The following NEO1 variants were observed in gnomAD, a reference collection of about 807,000 sequenced individuals.
NEO1 encodes neogenin 1.
Under a neutral mutation model 159.7 loss-of-function variants are expected in NEO1, and 63 were observed. The ratio of observed to expected loss-of-function variants is 0.39; its 90% CI spans 0.32 to 0.49. The LOEUF (loss-of-function observed/expected upper bound fraction) is 0.49. Ranked by LOEUF, NEO1 falls within the 20% of genes least tolerant of loss-of-function variation. The pLI is 0.85. For missense variants in NEO1, 1,615 were observed against 1,831.0 expected (o/e 0.88, Z 2.15); for synonymous variants, 633 against 662.0 (o/e 0.96, Z 0.67).
At chr15:73,157,821 T>C (rs1334558007) in intron 5 of NEO1, among the ~76,000 whole-genome samples, 1 of 150,366 alleles carries the variant, frequency 6.7e-6, no homozygotes, top group Admixed American at 6.7e-5. Context: ...ATCCTAACTC[T>C]GTTTTATTGA....
At chr15:73,268,129 C>CT (rs1313943837) in intron 16 of NEO1, among the ~76,000 whole-genome samples, 1 of 152,034 alleles carries the variant, frequency 6.6e-6, no homozygotes, top group Non-Finnish European at 1.5e-5. Flanking sequence ...TTTAAGACTA[C>CT]TACATGTTTG....
chr15:73,241,877 G>A (rs1262300413), intron 8 of NEO1, among the ~76,000 whole-genome samples: 40 of 152,154 alleles, frequency 2.6e-4, no homozygotes, highest in Non-Finnish European at 8.8e-5. Flanking sequence ...GTGGGTATTA[G>A]TAACCTTCAC....
At chr15:73,242,868 G>A (rs541587899) in intron 8 of NEO1, among the ~76,000 whole-genome samples, 2 of 152,240 alleles carry the variant, frequency 1.3e-5, no homozygotes, top group East Asian at 1.9e-4. Flanking sequence ...AAAGGCAGGC[G>A]CACTCGGTGT....
At chr15:73,189,163 C>G (rs757629822) in intron 7 of NEO1, among the ~76,000 whole-genome samples, 1 of 152,132 alleles carries the variant, frequency 6.6e-6, no homozygotes, top group East Asian at 1.9e-4. Flanking sequence ...AATTTTATAT[C>G]TTTGATTGTG....
intron 7 of NEO1, among the ~76,000 whole-genome samples, chr15:73,186,830 G>A (rs987683696): frequency 6.6e-6 from 1 of 152,084 alleles, no homozygotes; most frequent in Non-Finnish European, 1.5e-5. Flanking sequence ...AATATTTTAG[G>A]CTTAATGGGT....
chr15:73,199,129 T>C (rs576155297), intron 7 of NEO1, among the ~76,000 whole-genome samples: 2 of 150,946 alleles, frequency 1.3e-5, no homozygotes, highest in African/African-American at 4.9e-5. Context: ...GATCAACTTA[T>C]CAGTTTTGAG....
intron 1 of NEO1, among the ~76,000 whole-genome samples, chr15:73,095,078 G>A (rs1260618440): frequency 1.3e-5 from 2 of 152,058 alleles, no homozygotes; most frequent in Non-Finnish European, 2.9e-5. Flanking sequence ...GCATGGTGGT[G>A]TGCACCTGAA....
rs999569449 is a variant in NEO1, at chr15:73,251,125, C to A, written c.1894+1404C>A. On this transcript the variant is annotated intron_variant, in intron 11 of 28. Coordinates refer to ENST00000261908, the MANE Select transcript of NEO1 (RefSeq NM_002499.4). ...AGTAAGATAAATAAAACAGTTGTTGCAGAATATTAGTAATTGTGAATTTGA... is the reference window on the plus strand; with the variant it reads ...AGTAAGATAAATAAAACAGTTGTTGAAGAATATTAGTAATTGTGAATTTGA... Among the ~76,000 whole-genome samples the A allele has an allele frequency of 3.3e-5, 5 of 152,056 alleles. No homozygotes were observed. In the East Asian group the frequency reaches 7.7e-4, roughly 23 times the overall value.
chr15:73,266,153 A>G (rs956571846), intron 15 of NEO1, among the ~76,000 whole-genome samples, 163 bp from the exon 16 acceptor site: 31 of 152,198 alleles, frequency 2.0e-4, no homozygotes, highest in African/African-American at 5.8e-4. Flanking sequence ...TACTGTGTGT[A>G]CTTCCATCTC....
chr15:73,289,745 C>G (rs1242347719), intron 25 of NEO1, among the ~76,000 whole-genome samples: 1 of 152,058 alleles, frequency 6.6e-6, no homozygotes, highest in Non-Finnish European at 1.5e-5. Flanking sequence ...GAGTTCTAGA[C>G]CAGCCTGGGC....
intron 13 of NEO1, 152 bp downstream of exon 13, chr15:73,254,981 G>C (rs1161980590): frequency 1.4e-6 from 1 of 722,738 alleles, no homozygotes; most frequent in African/African-American, 1.8e-5. Context: ...CTTCTGACTT[G>C]ATAGAGATTA....
intron 5 of NEO1, among the ~76,000 whole-genome samples, chr15:73,137,569 T>C (rs897858033): frequency 1.3e-5 from 2 of 152,184 alleles, no homozygotes; most frequent in Non-Finnish European, 2.9e-5. Flanking sequence ...CAATCTCTGC[T>C]CCCTGCAGCC....
At chr15:73,187,574 A>G (rs1004838736) in intron 7 of NEO1, among the ~76,000 whole-genome samples, 6 of 152,224 alleles carry the variant, frequency 3.9e-5, no homozygotes, top group Admixed American at 3.9e-4. Flanking sequence ...TTTACCTGAC[A>G]TTTGGTCTCT....
In NEO1 at chr15:73,135,931, A is replaced by G. The variant is rs1474584168; in HGVS notation, c.919A>G (p.Ile307Val). 6.2e-7 allele frequency: 1 copy of G among 1,600,296 alleles called. No homozygotes were observed. The highest frequency in any genetic ancestry group is 8.5e-7 in the Non-Finnish European group (1 of 1,176,502). Residue 307 changes from isoleucine (I) to valine (V), a missense_variant, in exon 5 of 29, where the codon ATC (isoleucine) becomes GTC (valine). Around this residue, in one of 3 missense-constraint regions of NEO1, gnomAD observed 1,018 missense variants for 1,115.4 expected, o/e 0.91. Transcript: ENST00000261908. Reference sequence around the variant, plus strand: ...ATTGCTGGCAGGTGGTAGCCTGGAGATCAGTGATGTTACTGAGGATGATGC... The same window carrying G: ...ATTGCTGGCAGGTGGTAGCCTGGAGGTCAGTGATGTTACTGAGGATGATGC... ...LVLLAGGSLE[I>V]SDVTEDDAGT...
At chr15:73,084,619 A>C (rs761261939) in intron 1 of NEO1, among the ~76,000 whole-genome samples, 1 of 152,170 alleles carries the variant, frequency 6.6e-6, no homozygotes, top group Non-Finnish European at 1.5e-5. Context: ...GGAGGTGAAG[A>C]TATCTCTTTG....
chr15:73,258,952 A>C lies in NEO1; in HGVS notation c.2203+76A>C. On this transcript the variant is annotated intron_variant, in intron 14 of 28. Transcript: ENST00000261908. Reference sequence around the variant, plus strand: ...CAAATGAGTCAAACTGGAAAGCCACAGACTTGGGGTGGATATGGCTCAAGT... The same window carrying C: ...CAAATGAGTCAAACTGGAAAGCCACCGACTTGGGGTGGATATGGCTCAAGT... 6 of 1,272,676 alleles carry C rather than the reference A, an allele frequency of 4.7e-6. No individual in the cohort carries two copies. The South Asian group carries it at 6.1e-5, about 13-fold the overall frequency. The allele number at this position is 1,272,676 out of a possible 1,614,324, so 78.8% of individuals were successfully genotyped here.
chr15:73,264,100 T>G (rs368777826), intron 15 of NEO1, among the ~76,000 whole-genome samples: 2 of 152,204 alleles, frequency 1.3e-5, no homozygotes, highest in East Asian at 3.9e-4. Flanking sequence ...GATAGGAGGA[T>G]CGCTTGATCC....
chr15:73,297,945 C>CTA (rs2042444702), intron 26 of NEO1, among the ~76,000 whole-genome samples: 2 of 152,218 alleles, frequency 1.3e-5, no homozygotes, highest in Non-Finnish European at 2.9e-5. Flanking sequence ...AGGTACCCGG[C>CTA]CAGCCTTGGT....
intron 15 of NEO1, among the ~76,000 whole-genome samples, chr15:73,264,012 C>T (rs2040767446): frequency 6.6e-6 from 1 of 152,040 alleles, no homozygotes; most frequent in African/African-American, 2.4e-5. Flanking sequence ...ATATTGCGAC[C>T]TCATCTCTAC....
Sources: allele counts gnomAD v4.1 joint callset (sites outside exome capture counted in the v4.1 genomes callset), GRCh38; gene constraint gnomAD v4.1.1; regional missense constraint gnomAD v4.1.1; transcripts MANE v1.5; gene names NCBI Gene and HGNC (gene_info 2026-07-23, HGNC 2026-07-21).